MMP16: variants seen among roughly 807,000 people sequenced by gnomAD.
The protein encoded by MMP16 is matrix metallopeptidase 16, also known as matrix metalloproteinase-16.
Under a neutral mutation model 67.8 loss-of-function variants are expected in MMP16, and 12 were observed. The ratio of observed to expected loss-of-function variants is 0.18; its 90% confidence interval spans 0.11 to 0.29. The LOEUF is 0.29. Among genes scored for constraint, MMP16 ranks in the 10% least tolerant of loss-of-function variants. MMP16 has a pLI of 1.00. For missense variants in MMP16, 475 were observed against 765.7 expected, an observed-to-expected ratio of 0.62 and a Z score of 4.48; for synonymous variants, 249 against 255.9, an observed-to-expected ratio of 0.97 and a Z score of 0.26.
chr8:88,120,851 GA>G (rs796752177), intron 4 of MMP16, among the ~76,000 whole-genome samples: 15 of 149,710 alleles, frequency 1.0e-4, no homozygotes, highest in South Asian at 4.2e-4. Flanking sequence ...TCTTTACAGG[GA>G]AAAAAAAAAT....
chr8:88,135,203 G>A (rs1808098651), intron 4 of MMP16, among the ~76,000 whole-genome samples: 1 of 151,668 alleles, frequency 6.6e-6, no homozygotes, highest in Non-Finnish European at 1.5e-5. Flanking sequence ...ATTAGATTAA[G>A]TACATTGACC....
chr8:88,134,355 C>A (rs1165895139), intron 4 of MMP16, among the ~76,000 whole-genome samples: 1 of 151,604 alleles, frequency 6.6e-6, no homozygotes, highest in Non-Finnish European at 1.5e-5. Flanking sequence ...CTTATATATT[C>A]AATATCCAGT....
chr8:88,086,805 T>C (rs1460242065), intron 6 of MMP16, among the ~76,000 whole-genome samples: 1 of 151,914 alleles, frequency 6.6e-6, no homozygotes, highest in African/African-American at 2.4e-5. Flanking sequence ...CATGTTATAT[T>C]TTCTTCACAA....
chr8:88,076,993 G>C (rs1430337737), intron 6 of MMP16, among the ~76,000 whole-genome samples: 1 of 152,154 alleles, frequency 6.6e-6, no homozygotes, highest in African/African-American at 2.4e-5. Flanking sequence ...TTACTGGACA[G>C]ACACATGTTG....
At position 88,193,159 on chromosome 8, in the gene MMP16, G is replaced by T. The variant is rs77358783; in HGVS notation, c.281+3999C>A. 8.4e-3 allele frequency among the ~76,000 whole-genome samples: 1,274 copies of T among 152,250 alleles called. 12 individuals carry two copies. Among genetic ancestry groups the T allele is most frequent in the African/African-American group, 0.029 (1,203 of 41,552 alleles). On this transcript the variant is annotated intron_variant, in intron 2 of 9. Transcript: ENST00000286614. Reference sequence around the variant, plus strand: ...GCTAAGATATGGAATCATCTGAAATGTCTGTCAATGTGTGAATGGATAAAG... The same window carrying T: ...GCTAAGATATGGAATCATCTGAAATTTCTGTCAATGTGTGAATGGATAAAG...
chr8:88,178,529 GTTGT>G (rs1808929237), intron 3 of MMP16, among the ~76,000 whole-genome samples: 1 of 152,080 alleles, frequency 6.6e-6, no homozygotes, highest in Admixed American at 6.6e-5. Flanking sequence ...TTTTTATATA[GTTGT>G]TTAATTCTTA....
chr8:88,238,802 G>A (rs1809987595), intron 1 of MMP16, among the ~76,000 whole-genome samples: 2 of 150,990 alleles, frequency 1.3e-5, no homozygotes, highest in Non-Finnish European at 2.9e-5. Flanking sequence ...GTTCATAATA[G>A]CCAATGAGAA....
At chr8:88,080,172 T>G (rs186075367) in intron 6 of MMP16, among the ~76,000 whole-genome samples, 80 of 152,330 alleles carry the variant, frequency 5.3e-4, no homozygotes, top group African/African-American at 1.8e-3. Flanking sequence ...CATGGTGAAC[T>G]GTGTCTGGTG....
chr8:88,140,536 T>A (rs2118500289), intron 4 of MMP16, among the ~76,000 whole-genome samples: 1 of 152,266 alleles, frequency 6.6e-6, no homozygotes, highest in Admixed American at 6.5e-5. Context: ...CAGCCACATG[T>A]GCCTTAAACT....
At chr8:88,188,677 C>T (rs893910952) in intron 2 of MMP16, among the ~76,000 whole-genome samples, 8 of 147,810 alleles carry the variant, frequency 5.4e-5, no homozygotes, top group East Asian at 3.9e-4. Context: ...TTTTTGAGTC[C>T]GAGTTTTGAT....
At chr8:88,070,094 A>T (rs1375672915) in intron 7 of MMP16, among the ~76,000 whole-genome samples, 2 of 152,122 alleles carry the variant, frequency 1.3e-5, no homozygotes, top group Admixed American at 6.6e-5. Flanking sequence ...AATCTAAAAT[A>T]TTTTTATTTA....
At chr8:88,320,661 T>C (rs924847128) in intron 1 of MMP16, among the ~76,000 whole-genome samples, 3 of 152,210 alleles carry the variant, frequency 2.0e-5, no homozygotes, top group Non-Finnish European at 4.4e-5. Flanking sequence ...CAATTGGCTA[T>C]GATTCATTTT....
At chr8:88,116,947 G>A (rs999446743) in intron 5 of MMP16, among the ~76,000 whole-genome samples, 5 of 152,002 alleles carry the variant, frequency 3.3e-5, no homozygotes, top group Admixed American at 2.0e-4. Context: ...AGGTAGCTAG[G>A]TTTTCTTTGT....
At chr8:88,120,529 T>G (rs2118441356) in intron 4 of MMP16, among the ~76,000 whole-genome samples, 1 of 151,986 alleles carries the variant, frequency 6.6e-6, no homozygotes, top group Middle Eastern at 3.4e-3. Flanking sequence ...GGGTCAATTT[T>G]GGCTGGAGTA....
At chr8:88,310,257 G>A (rs979599886) in intron 1 of MMP16, among the ~76,000 whole-genome samples, 2 of 152,132 alleles carry the variant, frequency 1.3e-5, no homozygotes, top group Non-Finnish European at 2.9e-5. Context: ...ATTGGTGAAT[G>A]AAGATAGAAA....
At chr8:88,268,078 C>G (rs144727129) in intron 1 of MMP16, among the ~76,000 whole-genome samples, 42 of 152,280 alleles carry the variant, frequency 2.8e-4, no homozygotes, top group African/African-American at 9.9e-4. Context: ...AGCGGTGGCT[C>G]GTGCCTGTAA....
At chr8:88,092,017 G>A (rs1350683040) in intron 6 of MMP16, among the ~76,000 whole-genome samples, 1 of 151,700 alleles carries the variant, frequency 6.6e-6, no homozygotes, top group African/African-American at 2.4e-5. Context: ...GTATGGCTAA[G>A]AAAATAAATT....
At chr8:88,218,984 T>C (rs1047759370) in intron 1 of MMP16, among the ~76,000 whole-genome samples, 4 of 152,016 alleles carry the variant, frequency 2.6e-5, no homozygotes, top group African/African-American at 4.8e-5. Flanking sequence ...TACACAAGGA[T>C]CTCAGGGATT....
In MMP16 at chr8:88,132,918, G is replaced by T. The variant is rs80054195; in HGVS notation, c.710-14057C>A. ...TGTTTGCACTCATTGTAATATGTAT[G>T]CAAGGGAAAGTCTTCCATCTAAGTT... On this transcript the variant is annotated intron_variant, in intron 4 of 9. Coordinates refer to ENST00000286614, the MANE Select transcript of MMP16 (RefSeq NM_005941.5). Among the ~76,000 whole-genome samples the T allele has an allele frequency of 3.6e-4, 55 of 151,946 alleles. No individual in the cohort carries two copies. The East Asian group carries it at 9.9e-3, about 27-fold the overall frequency.
Sources: gnomAD v4.1 joint callset for allele counts (sites outside exome capture counted in the v4.1 genomes callset) on GRCh38, gnomAD v4.1.1 for gene constraint, MANE v1.5 for transcripts, NCBI Gene and HGNC (gene_info 2026-07-23, HGNC 2026-07-21) for gene names.